CNTN4: variants seen among roughly 807,000 people sequenced by gnomAD.
CNTN4 encodes the protein contactin 4.
CNTN4 carries 77 observed loss-of-function variants against 122.5 expected under a neutral mutation model. The observed-to-expected ratio is 0.63, with a 90% CI of 0.52 to 0.76. The LOEUF is 0.76. CNTN4 is among the 30% of genes least tolerant of loss of function. The pLI is 0.00. For missense variants in CNTN4, 1,256 were observed against 1,259.1 expected (o/e 1.00, Z 0.04); for synonymous variants, 512 against 447.0 (o/e 1.15, Z -1.83).
At chr3:2,915,938 A>G (rs970055172) in intron 12 of CNTN4, among the ~76,000 whole-genome samples, 1 of 152,228 alleles carries the variant, frequency 6.6e-6, no homozygotes, top group African/African-American at 2.4e-5. Flanking sequence ...CAAAAAGCAA[A>G]TACTTCATGA....
chr3:2,899,525 C>A (rs896012666), intron 10 of CNTN4, among the ~76,000 whole-genome samples: 1 of 152,054 alleles, frequency 6.6e-6, no homozygotes, highest in Non-Finnish European at 1.5e-5. Context: ...ATATGTTTAT[C>A]ATTATTCTTA....
chr3:2,913,893 G>T (rs1362274282), intron 12 of CNTN4, among the ~76,000 whole-genome samples: 1 of 152,114 alleles, frequency 6.6e-6, no homozygotes, highest in African/African-American at 2.4e-5. Flanking sequence ...GTCCAAAAGA[G>T]ACCATATGTT....
chr3:2,882,239 A>G (rs1039293661), intron 8 of CNTN4, among the ~76,000 whole-genome samples: 1 of 151,954 alleles, frequency 6.6e-6, no homozygotes, highest in Non-Finnish European at 1.5e-5. Flanking sequence ...GTGGTGCACA[A>G]CTGTAGTCCT....
chr3:2,108,925 A>G (rs2032706675), intron 2 of CNTN4, among the ~76,000 whole-genome samples: 1 of 152,202 alleles, frequency 6.6e-6, no homozygotes, highest in Non-Finnish European at 1.5e-5. Context: ...TGCCTAAAAC[A>G]TAGTAGATGC....
chr3:2,486,042 G>A (rs2076151102), intron 3 of CNTN4, among the ~76,000 whole-genome samples: 2 of 152,116 alleles, frequency 1.3e-5, no homozygotes, highest in African/African-American at 4.8e-5. Flanking sequence ...CACTGCCTTT[G>A]AGCTGTAACA....
At chr3:2,555,055 C>G (rs555376249) in intron 3 of CNTN4, among the ~76,000 whole-genome samples, 1 of 152,290 alleles carries the variant, frequency 6.6e-6, no homozygotes, top group African/African-American at 2.4e-5. Context: ...CACATGTGAC[C>G]TTGAAATTCT....
chr3:2,673,910 C>T (rs1462321968), intron 4 of CNTN4, among the ~76,000 whole-genome samples: 1 of 152,114 alleles, frequency 6.6e-6, no homozygotes, highest in African/African-American at 2.4e-5. Flanking sequence ...TTGAGACCTC[C>T]ATGGCAGGAG....
chr3:2,425,545 G>T (rs1325978066), intron 3 of CNTN4, among the ~76,000 whole-genome samples: 22 of 152,116 alleles, frequency 1.4e-4, no homozygotes, highest in Non-Finnish European at 5.9e-5. Flanking sequence ...GATTGTCTTG[G>T]CAATGTGGGC....
intron 4 of CNTN4, among the ~76,000 whole-genome samples, chr3:2,664,210 G>A (rs17018255): frequency 0.075 from 11,396 of 152,144 alleles, 470 homozygotes; most frequent in Admixed American, 0.14. Flanking sequence ...AACCAAAAAA[G>A]GAAAGTAGAA....
chr3:2,851,247 T>G (rs1416655379), intron 7 of CNTN4, among the ~76,000 whole-genome samples: 1 of 152,228 alleles, frequency 6.6e-6, no homozygotes, highest in Non-Finnish European at 1.5e-5. Flanking sequence ...GTTTGCAGTT[T>G]CAATATCTAT....
Position 2,401,564 on chromosome 3 carries a change from A to G in CNTN4, c.-89+62331A>G, listed in dbSNP as rs114719923. Among the ~76,000 whole-genome samples, 582 of 152,230 alleles carry G rather than the reference A, an allele frequency of 3.8e-3. 4 individuals carry two copies. Among genetic ancestry groups the G allele is most frequent in the African/African-American group, 0.014 (569 of 41,554 alleles). ...TTCTGTAAAATAATCATAGGTTTCT[A>G]ATATTTTGGCTTTTCTAGTTTTCTC... On this transcript the variant is annotated intron_variant, in intron 3 of 24. Coordinates refer to ENST00000418658, the MANE Select transcript of CNTN4 (RefSeq NM_175607.3).
In CNTN4 at chr3:3,040,190, T is replaced by C. The variant is rs1700021031; in HGVS notation, c.2317T>C (p.Phe773Leu). The C allele has an allele frequency of 6.2e-7, 1 of 1,614,182 alleles. No individual in the cohort carries two copies. The highest frequency in any genetic ancestry group is 8.5e-7 in the Non-Finnish European group (1 of 1,180,008). ...TGAGAGCGTGCACCCCTTCTCTCCC[T>C]TTGAGGTTAAAGTAGGTGTCTTCAA... ...RNESVHPFSP[F>L]EVKVGVFNNK... The change falls in exon 20 of 25, where the codon TTT becomes CTT. Residue 773 changes from phenylalanine (F) to leucine (L), a missense_variant. Coordinates refer to ENST00000418658, the MANE Select transcript of CNTN4 (RefSeq NM_175607.3).
intron 2 of CNTN4, among the ~76,000 whole-genome samples, chr3:2,136,074 C>T (rs888731066): frequency 6.6e-6 from 1 of 152,166 alleles, no homozygotes. Flanking sequence ...CTCATGACCC[C>T]AGGTCAATCT....
At position 2,709,339 on chromosome 3, in the gene CNTN4, G is replaced by A. The variant is rs147485919; in HGVS notation, c.56-26876G>A. Reference sequence around the variant, plus strand: ...TTGGCTGCATATTAGAATCATCTGGGGGTCCTTAAAAAATACTGATGCGTA... The same window carrying A: ...TTGGCTGCATATTAGAATCATCTGGAGGTCCTTAAAAAATACTGATGCGTA... On this transcript the variant is annotated intron_variant, in intron 4 of 24. Transcript: ENST00000418658. The surrounding 1 kb of genome is among the most constrained non-coding windows in gnomAD (Gnocchi z 5.0). 3.7e-3 allele frequency among the ~76,000 whole-genome samples: 568 copies of A among 152,124 alleles called. No homozygotes were observed. Among genetic ancestry groups the A allele is most frequent in the African/African-American group, 0.013 (534 of 41,510 alleles).
intron 4 of CNTN4, among the ~76,000 whole-genome samples, chr3:2,674,046 C>A (rs2084691177): frequency 6.6e-6 from 1 of 152,128 alleles, no homozygotes; most frequent in South Asian, 2.1e-4. Flanking sequence ...CCAGCTGATG[C>A]TCCAGCTGAA....
intron 3 of CNTN4, among the ~76,000 whole-genome samples, chr3:2,504,304 A>G (rs966026082): frequency 6.6e-6 from 1 of 152,162 alleles, no homozygotes; most frequent in Non-Finnish European, 1.5e-5. Context: ...AGTGAAGTTC[A>G]CATTTTTCTA....
chr3:2,172,782 A>G (rs1393901670), intron 2 of CNTN4, among the ~76,000 whole-genome samples: 1 of 152,182 alleles, frequency 6.6e-6, no homozygotes, highest in Non-Finnish European at 1.5e-5. Flanking sequence ...TTAGAAGGCA[A>G]TTAAATAGGT....
intron 2 of CNTN4, among the ~76,000 whole-genome samples, chr3:2,233,032 T>C (rs1347976787): frequency 1.3e-5 from 2 of 152,076 alleles, no homozygotes; most frequent in Non-Finnish European, 2.9e-5. Flanking sequence ...TGCAAAGAAA[T>C]TGGTTAATGG....
At chr3:2,379,773 G>A (rs2045948534) in intron 3 of CNTN4, among the ~76,000 whole-genome samples, 1 of 152,100 alleles carries the variant, frequency 6.6e-6, no homozygotes, top group African/African-American at 2.4e-5. Context: ...ATATCATCAT[G>A]GCCGGGCGCG....
Sources: gnomAD v4.1 joint callset for allele counts (sites outside exome capture counted in the v4.1 genomes callset) on GRCh38, gnomAD v4.1.1 for gene constraint, Gnocchi (gnomAD v3.1) non-coding constraint, MANE v1.5 for transcripts, NCBI Gene and HGNC (gene_info 2026-07-23, HGNC 2026-07-21) for gene names.